SLC35F4: variants seen among roughly 807,000 people sequenced by gnomAD.
SLC35F4 encodes the protein solute carrier family 35 member F4, also known as chromosome 14 open reading frame 36.
SLC35F4 carries 24 observed loss-of-function variants against 44.2 expected under a neutral mutation model. The ratio of observed to expected loss-of-function variants is 0.54; its 90% CI spans 0.39 to 0.76. SLC35F4 has a LOEUF of 0.76. Ranked by LOEUF, SLC35F4 falls within the 30% of genes least tolerant of loss-of-function variation. The pLI is 0.00. For missense variants in SLC35F4, 562 were observed against 586.1 expected (o/e 0.96, Z 0.42); for synonymous variants, 238 against 223.6 (o/e 1.06, Z -0.57).
intron 1 of SLC35F4, among the ~76,000 whole-genome samples, chr14:57,877,373 T>C (rs77411270): frequency 0.068 from 10,359 of 152,282 alleles, 433 homozygotes; most frequent in Middle Eastern, 0.14. Context: ...ATGATACATG[T>C]GTACCACATT....
chr14:57,656,042 A>G (rs916843768), intron 1 of SLC35F4, among the ~76,000 whole-genome samples: 1 of 151,916 alleles, frequency 6.6e-6, no homozygotes, highest in Non-Finnish European at 1.5e-5. Context: ...CCTCCTGGGC[A>G]AGTTTTGGGA....
At chr14:57,816,515 C>T (rs543863758) in intron 1 of SLC35F4, among the ~76,000 whole-genome samples, 22 of 152,252 alleles carry the variant, frequency 1.4e-4, no homozygotes, top group African/African-American at 5.3e-4. Context: ...AACCAGAAAA[C>T]ATATACGATC....
chr14:57,623,068 A>G (rs2072276773), intron 1 of SLC35F4, among the ~76,000 whole-genome samples: 1 of 152,120 alleles, frequency 6.6e-6, no homozygotes, highest in Non-Finnish European at 1.5e-5. Context: ...CAGAAGACCC[A>G]TCTCACTTGC....
chr14:57,574,679 T>G (rs2068689443), intron 4 of SLC35F4, among the ~76,000 whole-genome samples: 1 of 152,216 alleles, frequency 6.6e-6, no homozygotes, highest in Non-Finnish European at 1.5e-5. Flanking sequence ...TTATCTATAC[T>G]GTTGTAAGTG....
chr14:57,569,277 G>A (rs1020934657), intron 6 of SLC35F4, among the ~76,000 whole-genome samples: 1 of 152,070 alleles, frequency 6.6e-6, no homozygotes, highest in Admixed American at 6.5e-5. Context: ...ATTACTAAGT[G>A]GACTTTAAAT....
intron 1 of SLC35F4, among the ~76,000 whole-genome samples, chr14:57,613,291 T>C (rs2071616373): frequency 6.6e-6 from 1 of 152,216 alleles, no homozygotes; most frequent in African/African-American, 2.4e-5. Context: ...TATAATTTAT[T>C]GTGTGTCTGA....
upstream of SLC35F4, among the ~76,000 whole-genome samples, chr14:57,983,006 G>T (rs576749713): frequency 3.9e-5 from 6 of 152,168 alleles, no homozygotes; most frequent in African/African-American, 7.2e-5. Flanking sequence ...CTGTGGCTCC[G>T]CCCCCAGACG....
chr14:57,840,133 A>T (rs1266905953), intron 1 of SLC35F4, among the ~76,000 whole-genome samples: 1 of 152,174 alleles, frequency 6.6e-6, no homozygotes, highest in Non-Finnish European at 1.5e-5. Flanking sequence ...AACTTTTAAT[A>T]TTCATATTTC....
rs74631150 is a variant in SLC35F4, at chr14:57,769,139, G to C, written c.103+96584C>G. 8.1e-3 allele frequency among the ~76,000 whole-genome samples: 1,236 copies of C among 152,136 alleles called. 18 individuals carry two copies. The highest frequency in any genetic ancestry group is 0.028 in the African/African-American group (1,167 of 41,494). Reference sequence around the variant, plus strand: ...TATTAGCATGAGCCCAAATACTTAAGAGCAACCCTACTAAGAACAATGCAC... The same window carrying C: ...TATTAGCATGAGCCCAAATACTTAACAGCAACCCTACTAAGAACAATGCAC... On this transcript the variant is annotated intron_variant, in intron 1 of 7. Coordinates refer to ENST00000556826, the MANE Select transcript of SLC35F4 (RefSeq NM_001306087.2).
chr14:57,865,992 G>GGCGGCA lies in SLC35F4; in HGVS notation c.-168_-167insTGCCGC. ...CGCAGCACCGGCTCCGCATCACAGC[G>GGCGGCA]GCGGCGGCGGCGGCGGCGGCGGAGC... On this transcript the variant is annotated 5_prime_UTR_variant, in exon 1 of 8. Coordinates refer to ENST00000556826, the MANE Select transcript of SLC35F4 (RefSeq NM_001306087.2). 7.5e-6 allele frequency: 2 copies of GGCGGCA among 266,418 alleles called. No homozygotes were observed. Among genetic ancestry groups the GGCGGCA allele is most frequent in the East Asian group, 1.3e-4 (2 of 15,516 alleles). The allele number at this position is 266,418 out of a possible 1,614,324, so 16.5% of individuals were successfully genotyped here.
At chr14:57,908,848 A>G (rs1889160318) in intron 1 of SLC35F4, among the ~76,000 whole-genome samples, 1 of 152,138 alleles carries the variant, frequency 6.6e-6, no homozygotes, top group South Asian at 2.1e-4. Flanking sequence ...TTAGTCATGA[A>G]GTCTTTGCCC....
intron 1 of SLC35F4, among the ~76,000 whole-genome samples, chr14:57,701,628 A>G (rs2075544075): frequency 1.3e-5 from 2 of 152,184 alleles, no homozygotes; most frequent in Non-Finnish European, 2.9e-5. Context: ...GCTCCACTAT[A>G]ATTTCACGGG....
In SLC35F4 at chr14:57,966,580, A is replaced by G. The variant is rs1320019949; in HGVS notation, n.282+15333T>C. Among the ~76,000 whole-genome samples, 8 of 152,244 alleles carry G rather than the reference A, an allele frequency of 5.3e-5. No individual in the cohort carries two copies. The South Asian group carries it at 1.7e-3, about 31-fold the overall frequency. The stretch of plus-strand genomic sequence containing the variant: ...CACTGCTGACAAACTACCAATCCCA[A>G]GCAATTTACGTGGGGAATAGAGAAA... On this transcript the variant is annotated intron_variant and non_coding_transcript_variant, in intron 1 of 1. Coordinates refer to the SLC35F4 transcript ENST00000556568.
intron 1 of SLC35F4, among the ~76,000 whole-genome samples, chr14:57,949,540 A>G (rs931929632): frequency 1.3e-5 from 2 of 152,088 alleles, no homozygotes; most frequent in African/African-American, 4.8e-5. Context: ...CAATATTGAG[A>G]TGTGAGGTAC....
intron 1 of SLC35F4, among the ~76,000 whole-genome samples, chr14:57,854,543 CCACCT>C (rs1238316984): frequency 6.6e-6 from 1 of 152,154 alleles, no homozygotes; most frequent in African/African-American, 2.4e-5. Context: ...CATTTCCTCC[CCACCT>C]GTTTGCCCTC....
chr14:57,928,338 C>G (rs1889624182), intron 1 of SLC35F4, among the ~76,000 whole-genome samples: 1 of 152,228 alleles, frequency 6.6e-6, no homozygotes, highest in African/African-American at 2.4e-5. Flanking sequence ...TTTCTCCCTA[C>G]TGCAGTGGTG....
At chr14:57,629,042 A>AT (rs2072629690) in intron 1 of SLC35F4, among the ~76,000 whole-genome samples, 1 of 152,124 alleles carries the variant, frequency 6.6e-6, no homozygotes. Flanking sequence ...GATACAGGTG[A>AT]TTTTTGTTCA....
chr14:57,715,743 G>T (rs971673689), intron 1 of SLC35F4, among the ~76,000 whole-genome samples: 1 of 152,204 alleles, frequency 6.6e-6, no homozygotes, highest in Admixed American at 6.5e-5. Context: ...TGCAGAGATG[G>T]ACTGGGAAGG....
chr14:57,831,643 G>A (rs1884384293), intron 1 of SLC35F4, among the ~76,000 whole-genome samples: 1 of 152,162 alleles, frequency 6.6e-6, no homozygotes, highest in African/African-American at 2.4e-5. Flanking sequence ...AGCAGCAAGA[G>A]GGAATATTAC....
Sources: allele counts gnomAD v4.1 joint callset (sites outside exome capture counted in the v4.1 genomes callset), GRCh38; gene constraint gnomAD v4.1.1; transcripts MANE v1.5; gene names NCBI Gene and HGNC (gene_info 2026-07-23, HGNC 2026-07-21).